Variants in CCSER1 observed in about 807,000 individuals in gnomAD.
CCSER1 encodes serine-rich coiled-coil domain-containing protein 1.
Under a neutral mutation model 82.0 loss-of-function variants are expected in CCSER1, and 41 were observed. That is an observed-to-expected ratio of 0.50 (90% CI 0.39 to 0.65). The LOEUF is 0.65. CCSER1 is among the 30% of genes least tolerant of loss of function. The pLI, the probability that CCSER1 is intolerant of heterozygous loss-of-function variation, is 0.00. For synonymous variants in CCSER1, 414 were observed against 383.9 expected (o/e 1.08, Z -0.92); for missense variants, 1,119 against 1,064.2 (o/e 1.05, Z -0.72).
At chr4:91,355,713 G>A (rs1191704933) in intron 10 of CCSER1, among the ~76,000 whole-genome samples, 1 of 152,178 alleles carries the variant, frequency 6.6e-6, no homozygotes, top group African/African-American at 2.4e-5. Flanking sequence ...GCTTCCGGGT[G>A]TGACTGGAGC....
At chr4:90,690,759 T>A (rs1245091085) in intron 6 of CCSER1, among the ~76,000 whole-genome samples, 1 of 152,202 alleles carries the variant, frequency 6.6e-6, no homozygotes, top group South Asian at 2.1e-4. Context: ...TGTCTCTCTT[T>A]AAGTTAGTAT....
chr4:91,322,486 A>G lies in CCSER1; in HGVS notation c.2217+236492A>G, dbSNP rs537541593. Among the ~76,000 whole-genome samples, 60 of 152,254 alleles carry G rather than the reference A, an allele frequency of 3.9e-4. No individual in the cohort carries two copies. In the South Asian group the frequency reaches 9.5e-3, roughly 24 times the overall value. Reference sequence around the variant, plus strand: ...ACAACTACTTCTAAAAGTGATTTCAATACAGATTATACTCCAAACTCCTAA... The same window carrying G: ...ACAACTACTTCTAAAAGTGATTTCAGTACAGATTATACTCCAAACTCCTAA... On this transcript the variant is annotated intron_variant, in intron 10 of 10. Transcript: ENST00000509176.
chr4:90,772,353 G>C (rs1016451242), intron 7 of CCSER1, among the ~76,000 whole-genome samples: 7 of 152,016 alleles, frequency 4.6e-5, no homozygotes, highest in African/African-American at 1.7e-4. Flanking sequence ...TATAAAAATT[G>C]AGACCAGTTT....
chr4:90,853,889 A>G (rs1764158239), intron 8 of CCSER1, among the ~76,000 whole-genome samples: 1 of 152,120 alleles, frequency 6.6e-6, no homozygotes. Context: ...TGTAACAATA[A>G]ACCATGGGAA....
chr4:91,557,789 A>G (rs1455206080), intron 10 of CCSER1, among the ~76,000 whole-genome samples: 1 of 151,442 alleles, frequency 6.6e-6, no homozygotes, highest in East Asian at 1.9e-4. Flanking sequence ...GTAAAGATAT[A>G]TTAAGGTTGC....
chr4:90,403,782 C>G (rs1288324161), intron 4 of CCSER1: 1 of 152,014 alleles, frequency 6.6e-6, no homozygotes, highest in East Asian at 1.9e-4. Context: ...GTAGGGCTTA[C>G]TATAATGGCC....
chr4:91,288,434 C>A (rs551987417), intron 10 of CCSER1, among the ~76,000 whole-genome samples: 20 of 151,792 alleles, frequency 1.3e-4, no homozygotes, highest in African/African-American at 4.8e-4. Context: ...TTTGCAAAAA[C>A]AACAACAACA....
Position 91,436,591 on chromosome 4 carries a change from C to T in CCSER1, c.2218-161981C>T, listed in dbSNP as rs1262154001. Among the ~76,000 whole-genome samples, 3 of 152,298 alleles carry T rather than the reference C, an allele frequency of 2.0e-5. No homozygotes were observed. In the East Asian group the frequency reaches 5.8e-4, roughly 29 times the overall value. ...GGCAGCTACATAGATTTACAGTATA[C>T]ATAATGCTGCCAATGTTAATAATCG... On this transcript the variant is annotated intron_variant, in intron 10 of 10. Coordinates refer to ENST00000509176, the MANE Select transcript of CCSER1 (RefSeq NM_001145065.2).
At position 91,443,379 on chromosome 4, in the gene CCSER1, A is replaced by G. The variant is rs938094509; in HGVS notation, c.2218-155193A>G. ...TCAGTAAACTTTGAAACTGGAAATC[A>G]TCATTCTCAGTAAACTATCGCAAGG... On this transcript the variant is annotated intron_variant, in intron 10 of 10. Transcript: ENST00000509176. Among the ~76,000 whole-genome samples, 9 of 152,028 alleles carry G rather than the reference A, an allele frequency of 5.9e-5. No homozygotes were observed. The South Asian group carries it at 6.2e-4, about 11-fold the overall frequency.
intron 3 of CCSER1, among the ~76,000 whole-genome samples, chr4:90,355,979 T>C (rs868489557): frequency 6.6e-6 from 1 of 151,938 alleles, no homozygotes; most frequent in Admixed American, 6.6e-5. Context: ...TAGTGAAAAG[T>C]CCATTGTCTT....
chr4:91,058,544 G>T (rs549415422), intron 9 of CCSER1, among the ~76,000 whole-genome samples: 1 of 151,902 alleles, frequency 6.6e-6, no homozygotes, highest in Non-Finnish European at 1.5e-5. Context: ...ATTTGTTTTT[G>T]GCCAGATTCC....
intron 6 of CCSER1, among the ~76,000 whole-genome samples, chr4:90,685,294 T>A (rs1039477777): frequency 4.6e-5 from 7 of 152,112 alleles, no homozygotes; most frequent in African/African-American, 1.4e-4. Flanking sequence ...CTCAGCCATA[T>A]CAAAGAAAAA....
At chr4:90,640,043 G>A (rs548498429) in intron 6 of CCSER1, among the ~76,000 whole-genome samples, 5 of 152,238 alleles carry the variant, frequency 3.3e-5, no homozygotes, top group African/African-American at 1.2e-4. Flanking sequence ...AAAGCCAAGA[G>A]AAAATATTGC....
intron 6 of CCSER1, among the ~76,000 whole-genome samples, chr4:90,635,745 T>C (rs1725307887): frequency 6.6e-6 from 1 of 151,868 alleles, no homozygotes; most frequent in Admixed American, 6.6e-5. Flanking sequence ...TAATTTGTTA[T>C]ATTTCAAAAT....
At chr4:90,492,851 A>G (rs1187089663) in intron 5 of CCSER1, among the ~76,000 whole-genome samples, 2 of 152,126 alleles carry the variant, frequency 1.3e-5, no homozygotes, top group Non-Finnish European at 2.9e-5. Context: ...CTTAATCCTG[A>G]GTTCTAGTTT....
chr4:90,635,784 CAAAGA>C (rs1330027864), intron 6 of CCSER1, among the ~76,000 whole-genome samples: 1 of 151,636 alleles, frequency 6.6e-6, no homozygotes, highest in East Asian at 1.9e-4. Context: ...GTTCCCAACA[CAAAGA>C]AAAGATACAT....
chr4:90,893,547 C>T (rs747038377), intron 8 of CCSER1, among the ~76,000 whole-genome samples: 9 of 152,002 alleles, frequency 5.9e-5, no homozygotes, highest in Non-Finnish European at 1.2e-4. Context: ...ACTGTCCTTC[C>T]GATGCTGTCT....
intron 10 of CCSER1, among the ~76,000 whole-genome samples, chr4:91,251,799 C>G (rs894190128): frequency 6.6e-6 from 1 of 152,048 alleles, no homozygotes; most frequent in Non-Finnish European, 1.5e-5. Context: ...ATATGTTAAA[C>G]ATAATGGTCC....
At chr4:91,074,726 T>G (rs1401036373) in intron 9 of CCSER1, among the ~76,000 whole-genome samples, 3 of 152,226 alleles carry the variant, frequency 2.0e-5, no homozygotes, top group African/African-American at 7.2e-5. Context: ...TATCTAAAGT[T>G]CCTTCTAGCT....
Sources: allele counts gnomAD v4.1 joint callset (sites outside exome capture counted in the v4.1 genomes callset), GRCh38; gene constraint gnomAD v4.1.1; transcripts MANE v1.5; gene names NCBI Gene and HGNC (gene_info 2026-07-23, HGNC 2026-07-21).